FPR2: variants seen among roughly 807,000 people sequenced by gnomAD.
The protein encoded by FPR2 is formyl peptide receptor 2.
FPR2 carries 3 observed loss-of-function variants against 4.0 expected under a neutral mutation model. The observed-to-expected ratio is 0.74, with a 90% confidence interval of 0.34 to 1.92. The LOEUF is 1.92. Among genes scored for constraint, FPR2 ranks in the 30% most tolerant of loss-of-function variants. The pLI, the probability that FPR2 is intolerant of heterozygous loss-of-function variation, is 0.07. For synonymous variants in FPR2, 179 were observed against 171.5 expected, an observed-to-expected ratio of 1.04 and a Z score of -0.34; for missense variants, 372 against 435.7, an observed-to-expected ratio of 0.85 and a Z score of 1.30.
intron 1 of FPR2, chr19:51,763,320 G>A (rs1434006549): frequency 6.6e-6 from 1 of 152,208 alleles, no homozygotes; most frequent in Admixed American, 6.5e-5. Flanking sequence ...TCAAATGCAA[G>A]TGAAAGTGTG....
chr19:51,768,934 T>C lies in FPR2; in HGVS notation c.276T>C (p.Pro92=). Residue 92 remains proline (P), a synonymous_variant, in exon 2 of 2, where the codon CCT becomes CCC. Transcript: ENST00000340023. ...IVSMAMGEKW[P]FGWFLCKLIH... is the part of the protein sequence containing the mutation. ...CCATGGCCATGGGAGAAAAATGGCC[T>C]TTTGGCTGGTTCCTGTGTAAGTTAA... 6.2e-7 allele frequency: 1 copy of C among 1,614,190 alleles called. No individual in the cohort carries two copies. The highest frequency in any genetic ancestry group is 8.5e-7 in the Non-Finnish European group (1 of 1,180,032).
intron 1 of FPR2, among the ~76,000 whole-genome samples, chr19:51,766,970 T>C (rs769217286): frequency 9.9e-5 from 15 of 152,192 alleles, no homozygotes; most frequent in Non-Finnish European, 2.2e-4. Context: ...TATGTGCAGG[T>C]TTGTTATACA....
chr19:51,769,765 T>C lies in FPR2; in HGVS notation c.*51T>C. The C allele has an allele frequency of 6.7e-7, 1 of 1,484,196 alleles. No homozygotes were observed. The highest frequency in any genetic ancestry group is 9.3e-7 in the Non-Finnish European group (1 of 1,070,682). The allele number at this position is 1,484,196 out of a possible 1,614,324, so 91.9% of individuals were successfully genotyped here. On this transcript the variant is annotated 3_prime_UTR_variant, in exon 2 of 2. Coordinates refer to ENST00000340023, the MANE Select transcript of FPR2 (RefSeq NM_001005738.2). This position sits in a 1 kb window ranked among gnomAD's most constrained non-coding sequence, Gnocchi z 4.4. ...TCTGTTCATCCTACCCTAATGCCAG[T>C]TCCAGCTTCATCTACCCTTGAGTCA...
At position 51,769,123 on chromosome 19, in the gene FPR2, C is replaced by T. The variant is rs373703675; in HGVS notation, c.465C>T (p.Val155=). ...VIVGPWILAL[V]LTLPVFLFLT... ...TCGGACCTTGGATTCTTGCTCTAGT[C>T]CTTACCTTGCCAGTTTTCCTCTTTT... The change falls in exon 2 of 2, where the codon GTC becomes GTT. Residue 155 remains valine, a synonymous_variant. Transcript: ENST00000340023. The surrounding 1 kb of genome is among the most constrained non-coding windows in gnomAD (Gnocchi z 4.4). 3.5e-5 allele frequency: 57 copies of T among 1,614,200 alleles called. No homozygotes were observed. The highest frequency in any genetic ancestry group is 4.5e-5 in the Non-Finnish European group (53 of 1,180,046).
rs548129447 is a variant in FPR2, at chr19:51,770,005, G to A, written c.*291G>A. On this transcript the variant is annotated 3_prime_UTR_variant, in exon 2 of 2. Transcript: ENST00000340023. ...ATTTGTAAGACTTAGATGAGATAGCGCATAATAAGGGGAAGACTTTAAAGT... is the reference window on the plus strand; with the variant it reads ...ATTTGTAAGACTTAGATGAGATAGCACATAATAAGGGGAAGACTTTAAAGT... 86 of 332,458 alleles carry A rather than the reference G, an allele frequency of 2.6e-4. No homozygotes were observed. The highest frequency in any genetic ancestry group is 1.4e-3 in the African/African-American group (69 of 48,282). 20.6% of individuals were successfully genotyped at this position (332,458 alleles called of 1,614,324 possible). A position where few individuals can be genotyped will look rare whatever the true frequency, so the allele number is the denominator to read the frequency against.
intron 1 of FPR2, among the ~76,000 whole-genome samples, chr19:51,761,809 T>C (rs1227457482): frequency 2.6e-5 from 4 of 151,766 alleles, no homozygotes; most frequent in Admixed American, 6.6e-5. Flanking sequence ...TAAATAAACA[T>C]GTGAAGGAGC....
Position 51,768,655 on chromosome 19 carries a change from C to A in FPR2, c.-4C>A, listed in dbSNP as rs1182618390. 1.9e-6 allele frequency: 3 copies of A among 1,591,656 alleles called. No individual in the cohort carries two copies. Among genetic ancestry groups the A allele is most frequent in the Admixed American group, 3.4e-5 (2 of 57,998 alleles). On this transcript the variant is annotated 5_prime_UTR_variant, in exon 2 of 2. Transcript: ENST00000340023. ...GTTGGAATGTTTCAGGTGCTGCTGG[C>A]AAGATGGAAACCAACTTCTCCACTC...
chr19:51,761,368 T>C (rs1448855906), intron 1 of FPR2, 138 bp downstream of exon 1: 1 of 152,282 alleles, frequency 6.6e-6, no homozygotes, highest in Non-Finnish European at 1.5e-5. Flanking sequence ...GTTTCTATCT[T>C]GATCTGAAAT....
In FPR2 at chr19:51,769,496, A is replaced by G; in HGVS notation, c.838A>G (p.Ile280Val). The G allele has an allele frequency of 1.2e-6, 2 of 1,614,158 alleles. No individual in the cohort carries two copies. The highest frequency in any genetic ancestry group is 8.5e-7 in the Non-Finnish European group (1 of 1,180,022). ...GTTGTTCTATGGCAAGTACAAAATC[A>G]TTGACATCCTGGTTAACCCAACGAG... ...EMLFYGKYKI[I>V]DILVNPTSSL... The change falls in exon 2 of 2, where the codon ATT becomes GTT. Residue 280 changes from isoleucine (I) to valine (V), a missense_variant. Ile to Val is a conservative substitution (Grantham distance 29). Coordinates refer to ENST00000340023, the MANE Select transcript of FPR2 (RefSeq NM_001005738.2). The surrounding 1 kb of genome is among the most constrained non-coding windows in gnomAD (Gnocchi z 4.4).
At chr19:51,764,330 G>A (rs1260863339) in intron 1 of FPR2, among the ~76,000 whole-genome samples, 1 of 152,152 alleles carries the variant, frequency 6.6e-6, no homozygotes. Context: ...TTCACATCTA[G>A]TTATTACCAT....
chr19:51,767,219 A>G (rs1441625151), intron 1 of FPR2, among the ~76,000 whole-genome samples: 1 of 152,172 alleles, frequency 6.6e-6, no homozygotes, highest in Non-Finnish European at 1.5e-5. Flanking sequence ...GATAATGAAT[A>G]CAATTTTAAC....
rs1435284943 is a variant in FPR2, at chr19:51,769,099, C to T, written c.441C>T (p.Val147=). 2.7e-5 allele frequency: 44 copies of T among 1,614,048 alleles called. No individual in the cohort carries two copies. Among genetic ancestry groups the T allele is most frequent in the Non-Finnish European group, 3.4e-5 (40 of 1,180,038 alleles). ...RTVSLAMKVI[V]GPWILALVLT... ...TGAGTCTGGCCATGAAGGTGATCGT[C>T]GGACCTTGGATTCTTGCTCTAGTCC... The change falls in exon 2 of 2, where the codon GTC becomes GTT. Residue 147 remains valine (V), a synonymous_variant. Coordinates refer to ENST00000340023, the MANE Select transcript of FPR2 (RefSeq NM_001005738.2). This position sits in a 1 kb window ranked among gnomAD's most constrained non-coding sequence, Gnocchi z 4.4.
At chr19:51,763,547 A>G (rs2122354187) in intron 1 of FPR2, 1 of 152,362 alleles carries the variant, frequency 6.6e-6, no homozygotes, top group East Asian at 1.9e-4. Flanking sequence ...GTCAATACAG[A>G]CTGGATTCAG....
chr19:51,766,099 T>C (rs545560592), intron 1 of FPR2, among the ~76,000 whole-genome samples: 3 of 152,282 alleles, frequency 2.0e-5, no homozygotes, highest in East Asian at 3.9e-4. Context: ...TTTTGTATTT[T>C]CGGTAGAGAC....
At position 51,768,891 on chromosome 19, in the gene FPR2, T is replaced by A; in HGVS notation, c.233T>A (p.Leu78Ter). 8 of 1,614,194 alleles carry A rather than the reference T, an allele frequency of 5.0e-6. No individual in the cohort carries two copies. The highest frequency in any genetic ancestry group is 1.3e-5 in the African/African-American group (1 of 75,054). ...GCTGACTTTTCTTTCACGGCCACAT[T>A]ACCATTCCTCATTGTCTCCATGGCC... is the stretch of plus-strand genomic sequence containing the variant. ...ALADFSFTAT[L>*]PFLIVSMAMG... Residue 78 changes from leucine (L) to a stop codon, truncating the protein, a stop_gained, in exon 2 of 2, where the codon TTA becomes TAA. Transcript: ENST00000340023. LOFTEE classifies it low-confidence loss of function (END_TRUNC).
In FPR2 at chr19:51,769,037, G is replaced by C. The variant is rs75905426; in HGVS notation, c.379G>C (p.Val127Leu). ...CATTGCACTGGACCGCTGCATTTGTGTCCTGCATCCAGTCTGGGCCCAGAA... is the reference window on the plus strand; with the variant it reads ...CATTGCACTGGACCGCTGCATTTGTCTCCTGCATCCAGTCTGGGCCCAGAA... Reference protein sequence around the residue: ...GFIALDRCICVLHPVWAQNHR... With the variant: ...GFIALDRCICLLHPVWAQNHR... Residue 127 changes from valine (V) to leucine (L), a missense_variant, in exon 2 of 2, where the codon GTC becomes CTC. Val to Leu is a conservative substitution (Grantham distance 32, BLOSUM62 1). Transcript: ENST00000340023. This position sits in a 1 kb window ranked among gnomAD's most constrained non-coding sequence, Gnocchi z 4.4. 3.8e-4 allele frequency: 619 copies of C among 1,614,168 alleles called. 4 individuals are homozygous for C. The African/African-American group carries it at 6.4e-3, about 17-fold the overall frequency.
In FPR2 at chr19:51,769,485, A is replaced by G; in HGVS notation, c.827A>G (p.Lys276Arg). ...CTCAAAGAGATGTTGTTCTATGGCA[A>G]GTACAAAATCATTGACATCCTGGTT... ...VWLKEMLFYG[K>R]YKIIDILVNP... Residue 276 changes from lysine to arginine, a missense_variant, in exon 2 of 2, where the codon AAG becomes AGG. Coordinates refer to ENST00000340023, the MANE Select transcript of FPR2 (RefSeq NM_001005738.2). This position sits in a 1 kb window ranked among gnomAD's most constrained non-coding sequence, Gnocchi z 4.4. 1 of 1,614,194 alleles carries G rather than the reference A, an allele frequency of 6.2e-7. No individual in the cohort carries two copies. Among genetic ancestry groups the G allele is most frequent in the Non-Finnish European group, 8.5e-7 (1 of 1,180,026 alleles).
Position 51,768,871 on chromosome 19 carries a change from C to T in FPR2, c.213C>T (p.Asp71=), listed in dbSNP as rs2122365084. The T allele has an allele frequency of 6.2e-7, 1 of 1,614,164 alleles. No homozygotes were observed. The change falls in exon 2 of 2, where the codon GAC becomes GAT. Residue 71 remains aspartate, a synonymous_variant. Coordinates refer to ENST00000340023, the MANE Select transcript of FPR2 (RefSeq NM_001005738.2). ...TICYLNLALA[D]FSFTATLPFL... The stretch of plus-strand genomic sequence containing the variant: ...GTTACCTGAACCTGGCCCTGGCTGA[C>T]TTTTCTTTCACGGCCACATTACCAT...
In FPR2 at chr19:51,769,175, GA is replaced by G; in HGVS notation, c.518del (p.Asp173AlafsTer19). The stretch of plus-strand genomic sequence containing the variant: ...GACTACAGTAACTATTCCAAATGGG[GA>G]CACATACTGTACTTTCAACTTTGCA... The part of the protein sequence containing the change: ...FLTTVTIPNG[D>X]TYCTFNFASW... On this transcript the variant is annotated frameshift_variant, in exon 2 of 2. Coordinates refer to ENST00000340023, the MANE Select transcript of FPR2 (RefSeq NM_001005738.2). LOFTEE classifies it low-confidence loss of function (END_TRUNC). The surrounding 1 kb of genome is among the most constrained non-coding windows in gnomAD (Gnocchi z 4.4). 2 of 1,614,186 alleles carry G rather than the reference GA, an allele frequency of 1.2e-6. No individual in the cohort carries two copies. Among genetic ancestry groups the G allele is most frequent in the Non-Finnish European group, 1.7e-6 (2 of 1,180,044 alleles).
Sources: allele counts gnomAD v4.1 joint callset (sites outside exome capture counted in the v4.1 genomes callset), GRCh38; gene constraint gnomAD v4.1.1; non-coding constraint Gnocchi (gnomAD v3.1); transcripts MANE v1.5; gene names NCBI Gene and HGNC (gene_info 2026-07-23, HGNC 2026-07-21).